Variants in BLM observed in about 807,000 individuals in gnomAD.
The protein encoded by BLM is recQ-like DNA helicase BLM.
A neutral mutation model predicts 135.3 loss-of-function variants in BLM; 95 were observed. The observed-to-expected ratio is 0.70, with a 90% CI of 0.59 to 0.83. The LOEUF (loss-of-function observed/expected upper bound fraction) is 0.83. BLM is among the 40% of genes least tolerant of loss of function. The pLI, the probability that BLM is intolerant of heterozygous loss-of-function variation, is 0.00. For missense variants in BLM, 1,518 were observed against 1,663.9 expected, an observed-to-expected ratio of 0.91 and a Z score of 1.53; for synonymous variants, 520 against 589.2, an observed-to-expected ratio of 0.88 and a Z score of 1.70.
At chr15:90,784,721 C>T (rs562614390) in intron 13 of BLM, among the ~76,000 whole-genome samples, 200 bp from the exon 14 acceptor site, 2 of 151,728 alleles carry the variant, frequency 1.3e-5, no homozygotes, top group Non-Finnish European at 2.9e-5. Flanking sequence ...TCATTAGCAG[C>T]GACAGGATTA....
intron 1 of BLM, among the ~76,000 whole-genome samples, chr15:90,718,623 A>G (rs1567219167): frequency 6.6e-6 from 1 of 152,220 alleles, no homozygotes. Flanking sequence ...ATACTGTCAG[A>G]CAGTAGCTTA....
rs55763079 is a variant in BLM, at chr15:90,750,048, T to C, written c.780T>C (p.Thr260=). ...CTCAGGAAAGTGACTCTCTGAAAAC[T>C]CATTTGGAAGATGAAAGAGGTAACA... ...EDAQESDSLK[T]HLEDERDNSE... The change falls in exon 3 of 22, where the codon ACT becomes ACC. Residue 260 remains threonine, a synonymous_variant. Transcript: ENST00000355112. The C allele has an allele frequency of 5.7e-5, 92 of 1,614,120 alleles. No homozygotes were observed. The African/African-American group carries it at 1.0e-3, about 18-fold the overall frequency.
At chr15:90,762,905 T>C in intron 7 of BLM, 61 bp from the exon 8 acceptor site, 1 of 1,479,998 alleles carries the variant, frequency 6.8e-7, no homozygotes, top group Non-Finnish European at 9.4e-7. Flanking sequence ...AGGGAAATGC[T>C]AAAGCTGTAC....
In BLM at chr15:90,767,013, C is replaced by G. The variant is rs1340640018; in HGVS notation, c.2297C>G (p.Thr766Ser). 1.9e-6 allele frequency: 3 copies of G among 1,540,450 alleles called. No homozygotes were observed. The highest frequency in any genetic ancestry group is 2.3e-5 in the South Asian group (2 of 87,714). The change falls in exon 10 of 22, where the codon ACT becomes AGT. Residue 766 changes from threonine to serine, a missense_variant. Thr to Ser is a moderately conservative substitution (Grantham distance 58, BLOSUM62 1). Transcript: ENST00000355112. ...KDPIIKLLYVTPEKICASNRL... is the reference protein window; with the variant it reads ...KDPIIKLLYVSPEKICASNRL... ...CCAATCATAAAACTTCTATATGTCA[C>G]TCCAGAAAAGGTTTGTATTTATATC...
At chr15:90,808,409 A>AC (rs1188497620) in intron 19 of BLM, among the ~76,000 whole-genome samples, 1 of 151,958 alleles carries the variant, frequency 6.6e-6, no homozygotes, top group East Asian at 1.9e-4. Flanking sequence ...AGCCTCCAAA[A>AC]CTCACCCAAG....
At chr15:90,772,545 T>C (rs1896351118) in intron 12 of BLM, among the ~76,000 whole-genome samples, 1 of 152,156 alleles carries the variant, frequency 6.6e-6, no homozygotes, top group African/African-American at 2.4e-5. Context: ...GTGAGGAAAT[T>C]GAGACACAAA....
rs533992481 is a variant in BLM at position 90,728,754 on chromosome 15, T to C, written c.-5+11314T>C. Among the ~76,000 whole-genome samples, 5 of 152,332 alleles carry C rather than the reference T, an allele frequency of 3.3e-5. No homozygotes were observed. In the East Asian group the frequency reaches 9.6e-4, roughly 29 times the overall value. ...TCTTAAAAAGTTTTCTGACATTTTA[T>C]TTTTTGTTTATTGATGATATAGAAA... On this transcript the variant is annotated intron_variant, in intron 1 of 21. Transcript: ENST00000355112.
rs1020797391 is a variant in BLM at position 90,773,535 on chromosome 15, T to A, written c.2555+3949T>A. ...CCTTTTTTTTTTTTTTTTTTTTTTT[T>A]AGTTTATAAGGTTGTGCAGCCATCA... On this transcript the variant is annotated intron_variant, in intron 12 of 21. Coordinates refer to ENST00000355112, the MANE Select transcript of BLM (RefSeq NM_000057.4). 4.5e-3 allele frequency among the ~76,000 whole-genome samples: 450 copies of A among 99,216 alleles called. 2 individuals carry two copies. The highest frequency in any genetic ancestry group is 0.018 in the African/African-American group (416 of 23,542). The allele number at this position is 99,216 out of a possible 152,430, so 65.1% of individuals were successfully genotyped here.
chr15:90,761,481 G>A (rs1051276755), intron 7 of BLM, among the ~76,000 whole-genome samples: 2 of 152,012 alleles, frequency 1.3e-5, no homozygotes, highest in East Asian at 1.9e-4. Flanking sequence ...ATTGTAGTAC[G>A]GCTCTAAAGT....
At chr15:90,751,229 C>G (rs972829991) in intron 3 of BLM, among the ~76,000 whole-genome samples, 1 of 152,142 alleles carries the variant, frequency 6.6e-6, no homozygotes, top group Non-Finnish European at 1.5e-5. Context: ...TAAGGTTACT[C>G]TAGGGTGAGA....
In BLM at chr15:90,751,901, C is replaced by G. The variant is rs773421970; in HGVS notation, c.914C>G (p.Pro305Arg). ...DYDTDFVPPSPEEIISASSSS... is the reference protein window; with the variant it reads ...DYDTDFVPPSREEIISASSSS... ...GATACGGATTTTGTTCCACCTTCTC[C>G]AGAAGAAATTATTTCTGCTTCTTCT... Residue 305 changes from proline to arginine, a missense_variant, in exon 4 of 22, where the codon CCA becomes CGA. Pro to Arg is a moderately radical substitution (Grantham distance 103). Transcript: ENST00000355112. 3.7e-6 allele frequency: 6 copies of G among 1,613,132 alleles called. No individual in the cohort carries two copies. The South Asian group carries it at 6.6e-5, about 18-fold the overall frequency.
intron 1 of BLM, among the ~76,000 whole-genome samples, chr15:90,732,888 G>A (rs962443821): frequency 9.2e-5 from 14 of 152,196 alleles, no homozygotes; most frequent in Non-Finnish European, 1.6e-4. Context: ...GAGGTCAGGA[G>A]ATCAAGACTA....
chr15:90,727,420 A>T (rs964168480), intron 1 of BLM, among the ~76,000 whole-genome samples: 7 of 152,208 alleles, frequency 4.6e-5, no homozygotes, highest in Non-Finnish European at 8.8e-5. Flanking sequence ...CTAATATAGT[A>T]GGCCTGAAAC....
intron 5 of BLM, 144 bp downstream of exon 5, chr15:90,755,082 T>G: frequency 9.4e-7 from 1 of 1,059,594 alleles, no homozygotes; most frequent in Non-Finnish European, 1.3e-6. Context: ...GTCATAACCT[T>G]GTTTACTGGT....
At chr15:90,796,074 A>G (rs934903172) in intron 16 of BLM, among the ~76,000 whole-genome samples, 2 of 152,168 alleles carry the variant, frequency 1.3e-5, no homozygotes, top group African/African-American at 2.4e-5. Flanking sequence ...TGAGGGGAAG[A>G]GGTGATGGAG....
At chr15:90,773,614 A>G (rs1033487651) in intron 12 of BLM, among the ~76,000 whole-genome samples, 1 of 146,772 alleles carries the variant, frequency 6.8e-6, no homozygotes, top group African/African-American at 2.5e-5. Flanking sequence ...GAGTATACCC[A>G]TTAGCAGTCA....
chr15:90,749,391 A>C lies in BLM; in HGVS notation c.123A>C (p.Thr41=). The change falls in exon 3 of 22, where the codon ACA becomes ACC. Residue 41 remains threonine (T), a synonymous_variant. Coordinates refer to ENST00000355112, the MANE Select transcript of BLM (RefSeq NM_000057.4). ...GAGGTTTCACTTTTAAAAAGAAAAC[A>C]TCTTCAGATAACAATGTATCTGTAA... ...KFSGFTFKKK[T]SSDNNVSVTN... is the part of the protein sequence containing the mutation. 6.2e-7 allele frequency: 1 copy of C among 1,605,266 alleles called. No individual in the cohort carries two copies. Among genetic ancestry groups the C allele is most frequent in the South Asian group, 1.1e-5 (1 of 90,560 alleles).
chr15:90,751,894 C>T lies in BLM; in HGVS notation c.907C>T (p.Pro303Ser). 2 of 1,613,292 alleles carry T rather than the reference C, an allele frequency of 1.2e-6. No homozygotes were observed. The highest frequency in any genetic ancestry group is 8.5e-7 in the Non-Finnish European group (1 of 1,179,386). ...DDDYDTDFVPPSPEEIISASS... is the reference protein window; with the variant it reads ...DDDYDTDFVPSSPEEIISASS... ...TGATTATGATACGGATTTTGTTCCA[C>T]CTTCTCCAGAAGAAATTATTTCTGC... Residue 303 changes from proline (P) to serine (S), a missense_variant, in exon 4 of 22, where the codon CCT (proline) becomes TCT (serine). Physicochemically the swap from Pro to Ser is moderately conservative, Grantham distance 74. Around this residue, in one of 5 missense-constraint regions of BLM, gnomAD observed 724 missense variants for 756.9 expected, o/e 0.96. Transcript: ENST00000355112.
chr15:90,789,402 G>A (rs903896136), intron 14 of BLM, among the ~76,000 whole-genome samples: 1 of 152,248 alleles, frequency 6.6e-6, no homozygotes, highest in Non-Finnish European at 1.5e-5. Flanking sequence ...CCCTGTGCCC[G>A]CCCTGATACT....
Sources: gnomAD v4.1 joint callset for allele counts (sites outside exome capture counted in the v4.1 genomes callset) on GRCh38, gnomAD v4.1.1 for gene constraint, gnomAD v4.1.1 regional missense constraint, MANE v1.5 for transcripts, NCBI Gene and HGNC (gene_info 2026-07-23, HGNC 2026-07-21) for gene names.